Variants in TSGA10 observed in about 807,000 individuals in gnomAD.
TSGA10 encodes the protein testis-specific gene 10 protein.
TSGA10 carries 43 observed loss-of-function variants against 96.6 expected under a neutral mutation model. That is an observed-to-expected ratio of 0.44 (90% CI 0.35 to 0.57). The LOEUF (loss-of-function observed/expected upper bound fraction) is 0.57, where lower values mean the gene tolerates loss of function less well. Among genes scored for constraint, TSGA10 ranks in the 20% least tolerant of loss-of-function variants. The pLI is 0.01. For missense variants in TSGA10, 703 were observed against 834.4 expected (o/e 0.84, Z 1.94); for synonymous variants, 229 against 269.9 (o/e 0.85, Z 1.48).
Position 99,105,527 on chromosome 2 carries a change from C to T in TSGA10, c.381G>A (p.Lys127=). 2 of 1,613,652 alleles carry T rather than the reference C, an allele frequency of 1.2e-6. No individual in the cohort carries two copies. Among genetic ancestry groups the T allele is most frequent in the Non-Finnish European group, 1.7e-6 (2 of 1,179,642 alleles). ...TERDSLRERL[K]IAQETAFNEK... ...TCACGTAAATAAAATCCTTTCCAAC[C>T]TTTAGCCTCTCCCTTAGACTATCTC... is the stretch of plus-strand genomic sequence containing the variant. The change falls in exon 8 of 21, where the codon AAG becomes AAA. Residue 127 remains lysine (K), a splice_region_variant and synonymous_variant. Coordinates refer to ENST00000393483, the MANE Select transcript of TSGA10 (RefSeq NM_025244.4).
chr2:99,020,166 T>C, intron 18 of TSGA10, 114 bp downstream of exon 18: 1 of 825,560 alleles, frequency 1.2e-6, no homozygotes, highest in Non-Finnish European at 1.9e-6. Context: ...ACAGTATTTC[T>C]GATCCTTAGG....
chr2:99,044,505 C>T (rs1442640346), intron 16 of TSGA10, among the ~76,000 whole-genome samples: 1 of 151,964 alleles, frequency 6.6e-6, no homozygotes, highest in South Asian at 2.1e-4. Context: ...ATATATGCAC[C>T]CAATACAGGA....
chr2:99,112,671 T>C (rs576113325), intron 4 of TSGA10, among the ~76,000 whole-genome samples: 1 of 151,726 alleles, frequency 6.6e-6, no homozygotes, highest in Admixed American at 6.6e-5. Context: ...AAAGAAGGTC[T>C]GGTTGGTTCT....
chr2:99,072,304 C>G (rs962084846), intron 13 of TSGA10, among the ~76,000 whole-genome samples: 1 of 152,200 alleles, frequency 6.6e-6, no homozygotes, highest in African/African-American at 2.4e-5. Flanking sequence ...TGGTTCCCAA[C>G]CCCATCTAGA....
At chr2:99,010,539 G>A (rs1235218720) in intron 20 of TSGA10, among the ~76,000 whole-genome samples, 2 of 152,326 alleles carry the variant, frequency 1.3e-5, no homozygotes, top group East Asian at 1.9e-4. Context: ...ATGGAGTCAC[G>A]TAAAGTATAA....
chr2:99,068,890 C>T lies in TSGA10; in HGVS notation c.1216G>A (p.Glu406Lys). ...AAAAAGAAAAAAAAAATACATACTT[C>T]AGACTTTAATATATTCTTCAGCTTG... Reference protein sequence around the residue: ...VNKLKNILKSEESENRQMMEQ... With the variant: ...VNKLKNILKSKESENRQMMEQ... Residue 406 changes from glutamate to lysine, a missense_variant and splice_region_variant, in exon 15 of 21, where the codon GAA (glutamate) becomes AAA (lysine). Physicochemically the swap from Glu to Lys is moderately conservative, Grantham distance 56 (BLOSUM62 1). Transcript: ENST00000393483. 1 of 1,401,008 alleles carries T rather than the reference C, an allele frequency of 7.1e-7. No homozygotes were observed. Among genetic ancestry groups the T allele is most frequent in the Non-Finnish European group, 9.4e-7 (1 of 1,061,654 alleles). The allele number at this position is 1,401,008 out of a possible 1,614,324, so 86.8% of individuals were successfully genotyped here.
chr2:99,154,138 G>A (rs1249889277), intron 1 of TSGA10, among the ~76,000 whole-genome samples: 1 of 152,186 alleles, frequency 6.6e-6, no homozygotes, highest in Non-Finnish European at 1.5e-5. Context: ...GGCTATCTTG[G>A]ACCGCCCAGC....
At chr2:99,137,992 C>T in intron 1 of TSGA10, among the ~76,000 whole-genome samples, 1 of 152,098 alleles carries the variant, frequency 6.6e-6, no homozygotes, top group African/African-American at 2.4e-5. Flanking sequence ...TCTGAAGGTA[C>T]CATCTATGAA....
intron 1 of TSGA10, among the ~76,000 whole-genome samples, chr2:99,142,638 G>C (rs1222757786): frequency 1.3e-5 from 2 of 152,114 alleles, no homozygotes; most frequent in Non-Finnish European, 2.9e-5. Context: ...TAGATTAAGA[G>C]GTTAGAGGAC....
At chr2:99,018,095 A>G in intron 20 of TSGA10, 105 bp downstream of exon 20, 2 of 1,070,260 alleles carry the variant, frequency 1.9e-6, no homozygotes, top group Non-Finnish European at 2.6e-6. Flanking sequence ...ATGTTTAAAT[A>G]TCACTATTAA....
chr2:99,045,945 T>A (rs1169448681), intron 16 of TSGA10, among the ~76,000 whole-genome samples: 2 of 152,064 alleles, frequency 1.3e-5, no homozygotes, highest in South Asian at 4.1e-4. Context: ...TAAAACAGAC[T>A]TTAAACCACA....
Position 99,018,308 on chromosome 2 carries a change from C to T in TSGA10, c.1964G>A (p.Ser655Asn), listed in dbSNP as rs1242435436. 4 of 1,614,140 alleles carry T rather than the reference C, an allele frequency of 2.5e-6. No individual in the cohort carries two copies. The highest frequency in any genetic ancestry group is 4.5e-5 in the East Asian group (2 of 44,880). ...VQELRRQNYS[S>N]NAYHMSSTMK... ...TGTAGAACTCATATGATAAGCATTA[C>T]TTGAATAATTTTGGCGGCGAAGTTC... Residue 655 changes from serine to asparagine, a missense_variant, in exon 20 of 21, where the codon AGT becomes AAT. Transcript: ENST00000393483.
At chr2:99,143,554 T>TCC (rs2093600651) in intron 1 of TSGA10, among the ~76,000 whole-genome samples, 1 of 151,492 alleles carries the variant, frequency 6.6e-6, no homozygotes, top group Non-Finnish European at 1.5e-5. Flanking sequence ...CACTGCACCC[T>TCC]CCACCTTTCA....
chr2:99,129,222 T>C (rs558388474), intron 1 of TSGA10, among the ~76,000 whole-genome samples: 1 of 152,200 alleles, frequency 6.6e-6, no homozygotes, highest in African/African-American at 2.4e-5. Flanking sequence ...TTTATATATA[T>C]AGAAGAATTT....
intron 10 of TSGA10, among the ~76,000 whole-genome samples, chr2:99,088,543 A>C (rs2104661450): frequency 6.6e-6 from 1 of 152,264 alleles, no homozygotes; most frequent in East Asian, 1.9e-4. Flanking sequence ...CTCAGTTCTC[A>C]TTCTCTCTGA....
intron 10 of TSGA10, among the ~76,000 whole-genome samples, chr2:99,098,870 A>C (rs1351351496): frequency 6.6e-6 from 1 of 152,152 alleles, no homozygotes; most frequent in Non-Finnish European, 1.5e-5. Context: ...CCTTCCCTTA[A>C]AGAAGAGATC....
At chr2:99,145,397 A>C (rs2093621414) in intron 1 of TSGA10, among the ~76,000 whole-genome samples, 1 of 152,054 alleles carries the variant, frequency 6.6e-6, no homozygotes, top group African/African-American at 2.4e-5. Context: ...GTCTCTCCCC[A>C]AAAATACAAA....
intron 1 of TSGA10, among the ~76,000 whole-genome samples, chr2:99,132,029 T>A (rs1485137206): frequency 6.6e-6 from 1 of 152,104 alleles, no homozygotes; most frequent in African/African-American, 2.4e-5. Context: ...TTTGCCAGTA[T>A]TTTATTGAGG....
chr2:99,042,537 G>A (rs1558818328), intron 16 of TSGA10, among the ~76,000 whole-genome samples: 1 of 152,160 alleles, frequency 6.6e-6, no homozygotes, highest in Non-Finnish European at 1.5e-5. Context: ...GGGTACTGCA[G>A]TAACTGTCTC....
Sources: gnomAD v4.1 joint callset for allele counts (sites outside exome capture counted in the v4.1 genomes callset) on GRCh38, gnomAD v4.1.1 for gene constraint, MANE v1.5 for transcripts, NCBI Gene and HGNC (gene_info 2026-07-23, HGNC 2026-07-21) for gene names.